Variants in NDST4 observed in about 807,000 individuals in gnomAD.
NDST4 encodes N-deacetylase and N-sulfotransferase 4.
NDST4 carries 63 observed loss-of-function variants against 100.8 expected under a neutral mutation model. The ratio of observed to expected loss-of-function variants is 0.62; its 90% confidence interval spans 0.51 to 0.77. NDST4 has a LOEUF of 0.77. Among genes scored for constraint, NDST4 ranks in the 30% least tolerant of loss-of-function variants. NDST4 has a pLI of 0.00. For missense variants in NDST4, 943 were observed against 1,018.4 expected (o/e 0.93, Z 1.01); for synonymous variants, 377 against 361.8 (o/e 1.04, Z -0.48).
intron 6 of NDST4, among the ~76,000 whole-genome samples, chr4:114,926,527 C>T (rs1725390122): frequency 6.6e-6 from 1 of 151,716 alleles, no homozygotes; most frequent in Non-Finnish European, 1.5e-5. Flanking sequence ...CAGGATATAT[C>T]TCTGAATGCC....
intron 2 of NDST4, among the ~76,000 whole-genome samples, chr4:114,983,563 T>C (rs1007812856): frequency 3.3e-5 from 5 of 152,198 alleles, no homozygotes; most frequent in Admixed American, 1.3e-4. Context: ...CTGCATTGTA[T>C]CTTGGAAGTA....
At chr4:114,848,751 T>C (rs1723611453) in intron 8 of NDST4, among the ~76,000 whole-genome samples, 2 of 152,184 alleles carry the variant, frequency 1.3e-5, no homozygotes, top group Non-Finnish European at 2.9e-5. Flanking sequence ...TTCAGATGAA[T>C]GAAATCAAAC....
At chr4:114,913,628 T>G (rs1347977080) in intron 6 of NDST4, among the ~76,000 whole-genome samples, 1 of 151,700 alleles carries the variant, frequency 6.6e-6, no homozygotes, top group Non-Finnish European at 1.5e-5. Flanking sequence ...TGTGCATATT[T>G]AAGAATATTT....
intron 2 of NDST4, among the ~76,000 whole-genome samples, chr4:115,029,456 C>G (rs1728068298): frequency 6.6e-6 from 1 of 152,070 alleles, no homozygotes; most frequent in Non-Finnish European, 1.5e-5. Flanking sequence ...TAGATTGGAA[C>G]CAGAAAAAAG....
intron 4 of NDST4, among the ~76,000 whole-genome samples, chr4:114,962,128 G>A (rs1414410586): frequency 1.3e-5 from 2 of 151,978 alleles, no homozygotes; most frequent in African/African-American, 2.4e-5. Flanking sequence ...AAAAATACAT[G>A]CAGATACATA....
chr4:115,041,085 A>G (rs985888887), intron 2 of NDST4, among the ~76,000 whole-genome samples: 2 of 152,118 alleles, frequency 1.3e-5, no homozygotes, highest in African/African-American at 4.8e-5. Flanking sequence ...AAATAATTGC[A>G]ATGTCACTAT....
chr4:115,083,136 T>G (rs754627634), intron 1 of NDST4, among the ~76,000 whole-genome samples: 2 of 152,152 alleles, frequency 1.3e-5, no homozygotes, highest in Non-Finnish European at 2.9e-5. Flanking sequence ...TTTATATTAA[T>G]GAAACAGAAT....
intron 7 of NDST4, among the ~76,000 whole-genome samples, chr4:114,868,970 C>A (rs980239019): frequency 2.1e-5 from 3 of 140,188 alleles, no homozygotes; most frequent in African/African-American, 8.0e-5. Context: ...ATATATATTT[C>A]TTATATCTTC....
chr4:114,934,036 A>G (rs1725571654), intron 6 of NDST4, among the ~76,000 whole-genome samples: 1 of 152,218 alleles, frequency 6.6e-6, no homozygotes, highest in Admixed American at 6.5e-5. Flanking sequence ...ACATACCTGC[A>G]TTCTCATGTT....
At chr4:114,970,713 C>T in intron 3 of NDST4, 129 bp from the exon 4 acceptor site, 1 of 812,364 alleles carries the variant, frequency 1.2e-6, no homozygotes, top group East Asian at 2.7e-5. Context: ...CTTTTTAAAT[C>T]AGAATAAAAG....
At chr4:114,902,142 C>T (rs1438084974) in intron 6 of NDST4, among the ~76,000 whole-genome samples, 3 of 151,950 alleles carry the variant, frequency 2.0e-5, no homozygotes, top group Non-Finnish European at 4.4e-5. Context: ...TTGAAAAATA[C>T]ATTTTAATTT....
chr4:114,867,665 C>CAAAAAAAAAAAAAAAAAAAAGA, intron 7 of NDST4, among the ~76,000 whole-genome samples: 5 of 79,900 alleles, frequency 6.3e-5, no homozygotes, highest in African/African-American at 9.8e-5. Context: ...AAAAAAAAAG[C>CAAAAAAAAAAAAAAAAAAAAGA]AAAAAAAAAA....
chr4:115,056,028 A>T (rs1010503376), intron 2 of NDST4, among the ~76,000 whole-genome samples: 1 of 152,178 alleles, frequency 6.6e-6, no homozygotes, highest in Non-Finnish European at 1.5e-5. Flanking sequence ...TACTGATAAT[A>T]TAATTAATAT....
chr4:114,969,605 T>C (rs955983736), intron 4 of NDST4, among the ~76,000 whole-genome samples: 4 of 152,228 alleles, frequency 2.6e-5, no homozygotes, highest in Non-Finnish European at 4.4e-5. Context: ...CTTAGGATTA[T>C]GGCCTCTAGC....
At chr4:114,958,751 A>T (rs903536616) in intron 4 of NDST4, among the ~76,000 whole-genome samples, 19 of 152,106 alleles carry the variant, frequency 1.2e-4, no homozygotes, top group Admixed American at 1.3e-4. Context: ...GTTCCTTGTT[A>T]CTTATGCAAA....
rs201001644 is a variant in NDST4, at chr4:115,076,259, G to T, written c.778C>A (p.Leu260Met). The change falls in exon 2 of 14, where the codon CTG becomes ATG. Residue 260 changes from leucine to methionine, a missense_variant. Coordinates refer to ENST00000264363, the MANE Select transcript of NDST4 (RefSeq NM_022569.3). ...KTLFATVIQD[L>M]GLHDGIQRVL... ...CTCTGAATTCCATCATGAAGCCCCAGATCCTGAATCACCGTTGCAAAGAGT... is the reference window on the plus strand; with the variant it reads ...CTCTGAATTCCATCATGAAGCCCCATATCCTGAATCACCGTTGCAAAGAGT... The T allele has an allele frequency of 1.9e-6, 3 of 1,614,018 alleles. No individual in the cohort carries two copies. The highest frequency in any genetic ancestry group is 3.3e-5 in the Admixed American group (2 of 60,004).
intron 4 of NDST4, among the ~76,000 whole-genome samples, chr4:114,945,859 C>T (rs1208186049): frequency 1.3e-5 from 2 of 152,104 alleles, no homozygotes; most frequent in Non-Finnish European, 2.9e-5. Context: ...AAAGTAATGA[C>T]TATGTGACCC....
intron 7 of NDST4, among the ~76,000 whole-genome samples, chr4:114,853,329 T>A: frequency 6.6e-6 from 1 of 152,166 alleles, no homozygotes; most frequent in East Asian, 1.9e-4. Context: ...TAGATCAGTA[T>A]CCAGCCTCTA....
chr4:114,979,655 T>A (rs1455992961), intron 2 of NDST4, among the ~76,000 whole-genome samples: 2 of 151,964 alleles, frequency 1.3e-5, no homozygotes, highest in African/African-American at 4.8e-5. Flanking sequence ...AGATGTTTTA[T>A]AGCCTTGTGT....
Sources: allele counts gnomAD v4.1 joint callset (sites outside exome capture counted in the v4.1 genomes callset), GRCh38; gene constraint gnomAD v4.1.1; transcripts MANE v1.5; gene names NCBI Gene and HGNC (gene_info 2026-07-23, HGNC 2026-07-21).